Variants in CNTNAP4 observed in about 807,000 individuals in gnomAD.
CNTNAP4 encodes the protein contactin associated protein family member 4.
A neutral mutation model predicts 148.4 loss-of-function variants in CNTNAP4; 98 were observed. That is an observed-to-expected ratio of 0.66 (90% CI 0.56 to 0.78). The LOEUF (loss-of-function observed/expected upper bound fraction) is 0.78. Among genes scored for constraint, CNTNAP4 ranks in the 30% least tolerant of loss-of-function variants. The pLI is 0.00. For synonymous variants in CNTNAP4, 730 were observed against 565.1 expected, an observed-to-expected ratio of 1.29 and a Z score of -4.14; for missense variants, 1,935 against 1,565.6, an observed-to-expected ratio of 1.24 and a Z score of -3.98.
At chr16:76,515,423 A>T (rs2083208807) in intron 15 of CNTNAP4, among the ~76,000 whole-genome samples, 1 of 152,146 alleles carries the variant, frequency 6.6e-6, no homozygotes, top group Admixed American at 6.6e-5. Flanking sequence ...TAAGAAAGAG[A>T]CACCAGAGAC....
chr16:76,501,620 G>A (rs946475886), intron 15 of CNTNAP4, among the ~76,000 whole-genome samples: 22 of 152,156 alleles, frequency 1.4e-4, no homozygotes, highest in Non-Finnish European at 2.8e-4. Context: ...TGTAGTGGGA[G>A]AGGTCAGGTT....
At position 76,522,343 on chromosome 16, in the gene CNTNAP4, A is replaced by G. The variant is rs546790872; in HGVS notation, c.2755+86A>G. ...ATAAAATAATACCAACTATAGAAAC[A>G]AGGATAATAACAACAAGCAATAATA... On this transcript the variant is annotated intron_variant, in intron 17 of 23. Transcript: ENST00000611870. The G allele has an allele frequency of 5.6e-6, 6 of 1,077,294 alleles. No individual in the cohort carries two copies. The African/African-American group carries it at 9.5e-5, about 17-fold the overall frequency. The allele number at this position is 1,077,294 out of a possible 1,614,324, so 66.7% of individuals were successfully genotyped here.
chr16:76,535,956 GCAT>G (rs2084196828), intron 18 of CNTNAP4, among the ~76,000 whole-genome samples, 172 bp downstream of exon 18: 2 of 152,196 alleles, frequency 1.3e-5, no homozygotes, highest in South Asian at 4.1e-4. Context: ...TGATGAGACA[GCAT>G]CATATATTCA....
chr16:76,524,020 T>C (rs1287684194), intron 17 of CNTNAP4, among the ~76,000 whole-genome samples: 1 of 152,208 alleles, frequency 6.6e-6, no homozygotes, highest in Non-Finnish European at 1.5e-5. Flanking sequence ...ACCTTTTATT[T>C]CTTAAGAGTC....
At chr16:76,283,636 C>T (rs1188723933) in intron 1 of CNTNAP4, among the ~76,000 whole-genome samples, 1 of 151,842 alleles carries the variant, frequency 6.6e-6, no homozygotes, top group Non-Finnish European at 1.5e-5. Context: ...TAGAGGGAAA[C>T]AACACACACT....
At chr16:76,344,358 TC>T (rs1395867015) in intron 2 of CNTNAP4, among the ~76,000 whole-genome samples, 4 of 152,186 alleles carry the variant, frequency 2.6e-5, no homozygotes, top group Non-Finnish European at 4.4e-5. Context: ...ATGCATTAAT[TC>T]TTCTGACCAC....
chr16:76,477,347 A>G (rs1020156960), intron 11 of CNTNAP4, among the ~76,000 whole-genome samples: 11 of 152,272 alleles, frequency 7.2e-5, no homozygotes, highest in African/African-American at 2.4e-4. Flanking sequence ...TATTACTGAC[A>G]TTTCTGAGCA....
intron 12 of CNTNAP4, among the ~76,000 whole-genome samples, chr16:76,482,340 T>C (rs371472474): frequency 1.7e-4 from 26 of 152,126 alleles, no homozygotes; most frequent in South Asian, 1.7e-3. Flanking sequence ...GACACAGTTT[T>C]TGCCCTGAGT....
chr16:76,381,983 C>A (rs2016020059), intron 3 of CNTNAP4, among the ~76,000 whole-genome samples: 1 of 144,404 alleles, frequency 6.9e-6, no homozygotes, highest in South Asian at 2.2e-4. Flanking sequence ...GGCAGGTGAA[C>A]CCAGGAGGCG....
intron 2 of CNTNAP4, among the ~76,000 whole-genome samples, chr16:76,348,095 A>G (rs750430032): frequency 5.9e-5 from 9 of 152,052 alleles, no homozygotes; most frequent in Non-Finnish European, 8.8e-5. Flanking sequence ...AGGCAGAAAA[A>G]CAGCAGGATT....
intron 3 of CNTNAP4, among the ~76,000 whole-genome samples, chr16:76,413,415 T>A (rs921902375): frequency 5.3e-5 from 8 of 151,414 alleles, no homozygotes; most frequent in Non-Finnish European, 8.9e-5. Context: ...TCCCCACTGC[T>A]CTGCATGGCA....
At chr16:76,306,759 G>GT (rs1164245718) in intron 1 of CNTNAP4, among the ~76,000 whole-genome samples, 1 of 152,132 alleles carries the variant, frequency 6.6e-6, no homozygotes, top group East Asian at 1.9e-4. Context: ...TTGCTTAATG[G>GT]TATTGGGAGG....
In CNTNAP4 at chr16:76,285,330, A is replaced by T. The variant is rs1008015373; in HGVS notation, c.85+7583A>T. 8.3e-4 allele frequency among the ~76,000 whole-genome samples: 127 copies of T among 152,210 alleles called. 2 individuals carry two copies. The highest frequency in any genetic ancestry group is 2.9e-3 in the African/African-American group (120 of 41,562). ...GGAGAAGTGAGTGAAGCCTGAAAAC[A>T]TTTGACATTTTAAGTAGTTCAAAAT... On this transcript the variant is annotated intron_variant, in intron 1 of 23. Coordinates refer to ENST00000611870, the MANE Select transcript of CNTNAP4 (RefSeq NM_033401.5).
intron 21 of CNTNAP4, among the ~76,000 whole-genome samples, chr16:76,551,824 G>A (rs778404575): frequency 8.6e-4 from 131 of 152,058 alleles, no homozygotes; most frequent in Non-Finnish European, 1.2e-3. Flanking sequence ...TCCTGGGAAC[G>A]TAGATTCAAG....
chr16:76,523,138 A>G (rs567701143), intron 17 of CNTNAP4, among the ~76,000 whole-genome samples: 1 of 152,140 alleles, frequency 6.6e-6, no homozygotes, highest in South Asian at 2.1e-4. Context: ...TTGTTTTATT[A>G]TGATACCAGG....
At chr16:76,314,705 A>T (rs1232518288) in intron 1 of CNTNAP4, among the ~76,000 whole-genome samples, 3 of 152,090 alleles carry the variant, frequency 2.0e-5, no homozygotes, top group Non-Finnish European at 4.4e-5. Flanking sequence ...GGAATACCTC[A>T]CTTTCTGGGA....
chr16:76,491,804 T>A (rs1163227516), intron 13 of CNTNAP4, among the ~76,000 whole-genome samples: 1 of 152,214 alleles, frequency 6.6e-6, no homozygotes, highest in Non-Finnish European at 1.5e-5. Context: ...TTCATCCATG[T>A]TGTCACAAAT....
intron 1 of CNTNAP4, among the ~76,000 whole-genome samples, chr16:76,309,182 G>C (rs147960483): frequency 0.012 from 1,816 of 152,098 alleles, 31 homozygotes; most frequent in African/African-American, 0.04. Flanking sequence ...ATGGACTTTG[G>C]TGGCTCTTTT....
intron 7 of CNTNAP4, among the ~76,000 whole-genome samples, chr16:76,450,094 A>G (rs2080403553): frequency 1.3e-5 from 2 of 151,948 alleles, no homozygotes; most frequent in African/African-American, 4.8e-5. Context: ...TATGGTTGAT[A>G]TTTTAATTTT....
Sources: gnomAD v4.1 joint callset for allele counts (sites outside exome capture counted in the v4.1 genomes callset) on GRCh38, gnomAD v4.1.1 for gene constraint, MANE v1.5 for transcripts, NCBI Gene and HGNC (gene_info 2026-07-23, HGNC 2026-07-21) for gene names.